NRCAM: variants seen among roughly 807,000 people sequenced by gnomAD.
The protein encoded by NRCAM is NgCAM-related cell adhesion molecule.
Under a neutral mutation model 156.5 loss-of-function variants are expected in NRCAM, and 83 were observed. That is an observed-to-expected ratio of 0.53 (90% CI 0.44 to 0.64). The LOEUF is 0.64. Ranked by LOEUF, NRCAM falls within the 30% of genes least tolerant of loss-of-function variation. The pLI is 0.00. For missense variants in NRCAM, 1,417 were observed against 1,597.3 expected (o/e 0.89, Z 1.92); for synonymous variants, 538 against 563.9 (o/e 0.95, Z 0.65).
At chr7:108,432,941 A>AGAGAAG (rs71522872) in intron 1 of NRCAM, among the ~76,000 whole-genome samples, 11 of 145,520 alleles carry the variant, frequency 7.6e-5, no homozygotes, top group South Asian at 2.3e-4. Flanking sequence ...AGAAAGAGAA[A>AGAGAAG]GAGAAGGAGA....
At chr7:108,233,308 C>T (rs1442442261) in intron 6 of NRCAM, among the ~76,000 whole-genome samples, 2 of 152,160 alleles carry the variant, frequency 1.3e-5, no homozygotes, top group East Asian at 1.9e-4. Flanking sequence ...TCTAGGATCA[C>T]TTGGATTTCC....
intron 3 of NRCAM, among the ~76,000 whole-genome samples, chr7:108,279,890 G>C (rs1304544552): frequency 6.6e-6 from 1 of 152,052 alleles, no homozygotes; most frequent in Non-Finnish European, 1.5e-5. Context: ...GCTTAAAGGA[G>C]GAGAGTATTA....
intron 8 of NRCAM, among the ~76,000 whole-genome samples, chr7:108,226,735 T>C (rs1243436398): frequency 6.6e-6 from 1 of 152,184 alleles, no homozygotes; most frequent in Admixed American, 6.5e-5. Context: ...CACATACACA[T>C]ATATCTTAGA....
At chr7:108,340,642 C>T (rs1404302992) in intron 2 of NRCAM, among the ~76,000 whole-genome samples, 7 of 152,268 alleles carry the variant, frequency 4.6e-5, no homozygotes, top group Non-Finnish European at 1.0e-4. Flanking sequence ...GTGCCGCAGA[C>T]ATTTGCTAAC....
At chr7:108,342,111 A>G (rs2099289713) in intron 2 of NRCAM, among the ~76,000 whole-genome samples, 1 of 152,222 alleles carries the variant, frequency 6.6e-6, no homozygotes, top group African/African-American at 2.4e-5. Context: ...CTATTTGGCC[A>G]GACATTAGCC....
chr7:108,172,989 T>A (rs1179554730), intron 28 of NRCAM, among the ~76,000 whole-genome samples: 1 of 147,260 alleles, frequency 6.8e-6, no homozygotes. Flanking sequence ...GTTGATTTTT[T>A]TTTTTTTTTT....
chr7:108,196,217 T>C (rs2074975541), intron 14 of NRCAM, among the ~76,000 whole-genome samples: 1 of 152,152 alleles, frequency 6.6e-6, no homozygotes, highest in African/African-American at 2.4e-5. Flanking sequence ...GACTCACTCA[T>C]CATAACCCTA....
rs192339832 is a variant in NRCAM at position 108,347,567 on chromosome 7, C to T, written c.-173-34836G>A. 3.9e-5 allele frequency among the ~76,000 whole-genome samples: 6 copies of T among 152,194 alleles called. No individual in the cohort carries two copies. The East Asian group carries it at 1.2e-3, about 29-fold the overall frequency. Reference sequence around the variant, plus strand: ...TTTCAAATTCAGAATGAGAACCATCCCCTGAGGATTTGATCCCCAAAAAAA... The same window carrying T: ...TTTCAAATTCAGAATGAGAACCATCTCCTGAGGATTTGATCCCCAAAAAAA... On this transcript the variant is annotated intron_variant, in intron 2 of 32. Coordinates refer to ENST00000379028, the MANE Select transcript of NRCAM (RefSeq NM_001037132.4).
rs572876203 is a variant in NRCAM, at chr7:108,187,677, C to T, written c.2035+1968G>A. 5.9e-5 allele frequency among the ~76,000 whole-genome samples: 9 copies of T among 152,160 alleles called. No homozygotes were observed. In the East Asian group the frequency reaches 1.2e-3, roughly 20 times the overall value. ...ATTAGAAGTGCAAGAGGTGGCCGGGCGCAGTGGCTCACGCCTGTAATCCCA... is the reference window on the plus strand; with the variant it reads ...ATTAGAAGTGCAAGAGGTGGCCGGGTGCAGTGGCTCACGCCTGTAATCCCA... On this transcript the variant is annotated intron_variant, in intron 20 of 32. Transcript: ENST00000379028.
chr7:108,419,000 C>T (rs974918325), intron 1 of NRCAM, among the ~76,000 whole-genome samples: 1 of 151,948 alleles, frequency 6.6e-6, no homozygotes, highest in Non-Finnish European at 1.5e-5. Context: ...TATTGAGAGG[C>T]ACTAACAGGA....
intron 1 of NRCAM, among the ~76,000 whole-genome samples, chr7:108,426,517 C>T (rs1443046799): frequency 6.6e-6 from 1 of 152,164 alleles, no homozygotes; most frequent in Non-Finnish European, 1.5e-5. Context: ...GAGCAGAAGC[C>T]TCATTCAGGG....
At chr7:108,366,530 T>C (rs2099592711) in intron 2 of NRCAM, among the ~76,000 whole-genome samples, 4 of 152,176 alleles carry the variant, frequency 2.6e-5, no homozygotes, top group Admixed American at 1.3e-4. Flanking sequence ...AAATGTTAGT[T>C]CTGCCTCATT....
chr7:108,416,546 A>G (rs75282713), intron 1 of NRCAM, among the ~76,000 whole-genome samples: 4,307 of 151,728 alleles, frequency 0.028, 93 homozygotes, highest in African/African-American at 0.064. Flanking sequence ...ATTTCATTTG[A>G]TGTCTAATTG....
intron 11 of NRCAM, among the ~76,000 whole-genome samples, chr7:108,210,091 A>G (rs538612243): frequency 1.9e-4 from 29 of 152,044 alleles, no homozygotes; most frequent in East Asian, 3.9e-4. Context: ...TAATTTTCCT[A>G]TTTTACAGCA....
chr7:108,373,345 G>C (rs1203719633), intron 2 of NRCAM, among the ~76,000 whole-genome samples: 1 of 152,134 alleles, frequency 6.6e-6, no homozygotes, highest in African/African-American at 2.4e-5. Context: ...CAGATCTTAG[G>C]TGTTCTTACT....
chr7:108,410,532 C>A (rs1794104621), intron 1 of NRCAM, among the ~76,000 whole-genome samples: 1 of 152,158 alleles, frequency 6.6e-6, no homozygotes, highest in African/African-American at 2.4e-5. Context: ...GGCCCCAATC[C>A]CAGGGATTTA....
chr7:108,149,866 A>T lies in NRCAM; in HGVS notation c.*44T>A. 6.6e-7 allele frequency: 1 copy of T among 1,514,466 alleles called. No individual in the cohort carries two copies. Among genetic ancestry groups the T allele is most frequent in the Non-Finnish European group, 9.0e-7 (1 of 1,106,086 alleles). The allele number at this position is 1,514,466 out of a possible 1,614,324, so 93.8% of individuals were successfully genotyped here. A position where few individuals can be genotyped will look rare whatever the true frequency, so the allele number is the denominator to read the frequency against. ...GAGGGCTGACAAACAAGTGCTTAGG[A>T]TAAACATTCTAGAGAAATGGAATAT... On this transcript the variant is annotated 3_prime_UTR_variant, in exon 33 of 33. Coordinates refer to ENST00000379028, the MANE Select transcript of NRCAM (RefSeq NM_001037132.4).
chr7:108,236,890 A>G (rs2095078086), intron 5 of NRCAM, among the ~76,000 whole-genome samples: 2 of 152,040 alleles, frequency 1.3e-5, no homozygotes, highest in South Asian at 4.1e-4. Flanking sequence ...TCTGGGAGTG[A>G]CACAGGTGCA....
chr7:108,187,815 T>C (rs6979752), intron 20 of NRCAM, among the ~76,000 whole-genome samples: 106,692 of 150,646 alleles, frequency 0.71, 38,883 homozygotes, highest in East Asian at 0.96. Context: ...AGTAGCCGGG[T>C]GTGGTGGCGG....
Sources: allele counts gnomAD v4.1 joint callset (sites outside exome capture counted in the v4.1 genomes callset), GRCh38; gene constraint gnomAD v4.1.1; transcripts MANE v1.5; gene names NCBI Gene and HGNC (gene_info 2026-07-23, HGNC 2026-07-21).